CNPPD1: variants seen among roughly 807,000 people sequenced by gnomAD.
CNPPD1 encodes cyclin Pas1/PHO80 domain containing 1.
A neutral mutation model predicts 43.7 loss-of-function variants in CNPPD1; 40 were observed. The ratio of observed to expected loss-of-function variants is 0.92; its 90% CI spans 0.71 to 1.19. CNPPD1 has a LOEUF of 1.19. CNPPD1 is among the 50% of genes most tolerant of loss of function. The pLI, the probability that CNPPD1 is intolerant of heterozygous loss-of-function variation, is 0.00. For missense variants in CNPPD1, 511 were observed against 518.5 expected (o/e 0.99, Z 0.14); for synonymous variants, 208 against 214.3 (o/e 0.97, Z 0.26).
At position 219,174,818 on chromosome 2, in the gene CNPPD1, G is replaced by A; in HGVS notation, c.470C>T (p.Pro157Leu). The change falls in exon 5 of 8, where the codon CCC becomes CTC. Residue 157 changes from proline to leucine, a missense_variant. Physicochemically the swap from Pro to Leu is moderately conservative, Grantham distance 98 (BLOSUM62 -3). Coordinates refer to ENST00000360507, the MANE Select transcript of CNPPD1 (RefSeq NM_015680.6). ...GCCCCTCTCCAAGGCATTGAGAGTG[G>A]GCACGGCCACACCCCCAGCAGCTCC... is the stretch of plus-strand genomic sequence containing the variant. ...EWGAAGGVAV[P>L]TLNALERGFL... 1 of 1,613,028 alleles carries A rather than the reference G, an allele frequency of 6.2e-7. No individual in the cohort carries two copies. The highest frequency in any genetic ancestry group is 8.5e-7 in the Non-Finnish European group (1 of 1,179,382).
chr2:219,172,304 A>G lies in CNPPD1; in HGVS notation c.*282T>C, dbSNP rs1271748929. 7.9e-6 allele frequency: 4 copies of G among 505,158 alleles called. No individual in the cohort carries two copies. Among genetic ancestry groups the G allele is most frequent in the Non-Finnish European group, 1.4e-5 (4 of 281,980 alleles). The allele number at this position is 505,158 out of a possible 1,614,324, so 31.3% of individuals were successfully genotyped here. On this transcript the variant is annotated 3_prime_UTR_variant, in exon 8 of 8. Coordinates refer to ENST00000360507, the MANE Select transcript of CNPPD1 (RefSeq NM_015680.6). Reference sequence around the variant, plus strand: ...CAAAAGTAAAAGTCTAAAAAATCCCAGGGAGGCAGAGAGGGGCTTCTATGT... The same window carrying G: ...CAAAAGTAAAAGTCTAAAAAATCCCGGGGAGGCAGAGAGGGGCTTCTATGT...
At chr2:219,176,643 G>T (rs1950167469) in intron 1 of CNPPD1, 117 bp downstream of exon 1, 2 of 812,470 alleles carry the variant, frequency 2.5e-6, no homozygotes, top group Non-Finnish European at 3.9e-6. Context: ...CCTCAAGGAA[G>T]CACTGCTCGA....
In CNPPD1 at chr2:219,174,728, G is replaced by A. The variant is rs187129868; in HGVS notation, c.510+50C>T. 502 of 1,530,880 alleles carry A rather than the reference G, an allele frequency of 3.3e-4. 2 individuals are homozygous for A. In the African/African-American group the frequency reaches 6.2e-3, roughly 19 times the overall value. 94.8% of individuals were successfully genotyped at this position (1,530,880 alleles called of 1,614,324 possible). On this transcript the variant is annotated intron_variant, in intron 5 of 7. Transcript: ENST00000360507. Reference sequence around the variant, plus strand: ...GAGAGAGAACAAAGGACTAAAGGACGGTTAAAGATGGGCCAGGGAAACTGA... The same window carrying A: ...GAGAGAGAACAAAGGACTAAAGGACAGTTAAAGATGGGCCAGGGAAACTGA...
rs775792082 is a variant in CNPPD1 at position 219,176,255 on chromosome 2, C to T, written c.146G>A (p.Cys49Tyr). 1 of 1,614,070 alleles carries T rather than the reference C, an allele frequency of 6.2e-7. No homozygotes were observed. Residue 49 changes from cysteine to tyrosine, a missense_variant, in exon 2 of 8, where the codon TGT (cysteine) becomes TAT (tyrosine). Physicochemically the swap from Cys to Tyr is radical, Grantham distance 194 (BLOSUM62 -2). Coordinates refer to ENST00000360507, the MANE Select transcript of CNPPD1 (RefSeq NM_015680.6). ...LYYGWDWEAD[C>Y]SLEELSSPVA... is the part of the protein sequence containing the mutation. ...CGGGCTGGAGAGCTCCTCCAGGCTACAGTCGGCTTCCCAGTCCCAGCCATA... is the reference window on the plus strand; with the variant it reads ...CGGGCTGGAGAGCTCCTCCAGGCTATAGTCGGCTTCCCAGTCCCAGCCATA...
At chr2:219,174,006 G>A (rs1950118643) in intron 6 of CNPPD1, 140 bp downstream of exon 6, 1 of 814,708 alleles carries the variant, frequency 1.2e-6, no homozygotes, top group African/African-American at 1.7e-5. Flanking sequence ...GGACAGATGG[G>A]TCTGGGAACC....
intron 6 of CNPPD1, 136 bp downstream of exon 6, chr2:219,174,010 G>A (rs1005063731): frequency 2.4e-6 from 2 of 845,206 alleles, no homozygotes; most frequent in Non-Finnish European, 4.0e-6. Flanking sequence ...AGATGGGTCT[G>A]GGAACCACTA....
Position 219,172,525 on chromosome 2 carries a change from T to A in CNPPD1, c.*61A>T. ...GAGGCAGACAGGATCTGAATCAAGC[T>A]TTGCTCCTCCAGGTTCTCAGAAACT... On this transcript the variant is annotated 3_prime_UTR_variant, in exon 8 of 8. Transcript: ENST00000360507. 1.3e-6 allele frequency: 2 copies of A among 1,566,062 alleles called. No individual in the cohort carries two copies. The highest frequency in any genetic ancestry group is 1.8e-6 in the Non-Finnish European group (2 of 1,137,908).
Position 219,172,707 on chromosome 2 carries a change from T to C in CNPPD1, c.1112A>G (p.Tyr371Cys), listed in dbSNP as rs772761019. 6.2e-7 allele frequency: 1 copy of C among 1,613,802 alleles called. No homozygotes were observed. Among genetic ancestry groups the C allele is most frequent in the Non-Finnish European group, 8.5e-7 (1 of 1,179,878 alleles). The change falls in exon 8 of 8, where the codon TAT (tyrosine) becomes TGT (cysteine). Residue 371 changes from tyrosine to cysteine, a missense_variant. Tyr to Cys is a radical substitution (Grantham distance 194). Transcript: ENST00000360507. ...TALSSPWYHTYGLAPPWPWSP... is the reference protein window; with the variant it reads ...TALSSPWYHTCGLAPPWPWSP... Reference sequence around the variant, plus strand: ...CCAAGGCCAGGGGGGAGCCAGGCCATAGGTATGGTACCAGGGGCTGGACAG... The same window carrying C: ...CCAAGGCCAGGGGGGAGCCAGGCCACAGGTATGGTACCAGGGGCTGGACAG...
chr2:219,176,518 C>T, intron 1 of CNPPD1, 187 bp from the exon 2 acceptor site: 1 of 625,586 alleles, frequency 1.6e-6, no homozygotes, highest in Non-Finnish European at 2.8e-6. Context: ...GAGGAATGCC[C>T]CCACCCCCAT....
Position 219,176,227 on chromosome 2 carries a change from C to T in CNPPD1, c.174G>A (p.Val58=). 6.2e-7 allele frequency: 1 copy of T among 1,611,664 alleles called. No individual in the cohort carries two copies. The change falls in exon 2 of 8, where the codon GTG becomes GTA. Residue 58 remains valine (V), a synonymous_variant. Transcript: ENST00000360507. Reference sequence around the variant, plus strand: ...AGTCACACAACACTGCCTAACCTGCCACCGGGCTGGAGAGCTCCTCCAGGC... The same window carrying T: ...AGTCACACAACACTGCCTAACCTGCTACCGGGCTGGAGAGCTCCTCCAGGC... ...DCSLEELSSP[V]ADIAVELLQK... is the part of the protein sequence containing the mutation.
Position 219,173,379 on chromosome 2 carries a change from G to C in CNPPD1, c.661C>G (p.Leu221Val). Residue 221 changes from leucine to valine, a missense_variant, in exon 7 of 8, where the codon CTG (leucine) becomes GTG (valine). Physicochemically the swap from Leu to Val is conservative, Grantham distance 32. Coordinates refer to ENST00000360507, the MANE Select transcript of CNPPD1 (RefSeq NM_015680.6). ...LLEQPTWQLA[L>V]GSLCQRLVKL... is the part of the protein sequence containing the mutation. ...ACCAGCCGCTGGCAGAGGGAGCCCA[G>C]GGCCAACTGCCAGGTCGGCTGCTCC... 6.2e-7 allele frequency: 1 copy of C among 1,613,586 alleles called. No homozygotes were observed. The highest frequency in any genetic ancestry group is 1.1e-5 in the South Asian group (1 of 91,062).
In CNPPD1 at chr2:219,172,460, C is replaced by T. The variant is rs145338873; in HGVS notation, c.*126G>A. ...TCCTTCTGCCCCACCACCCCATAAG[C>T]TCCCACCCAGGAGGACAGGGGACCT... is the stretch of plus-strand genomic sequence containing the variant. On this transcript the variant is annotated 3_prime_UTR_variant, in exon 8 of 8. Transcript: ENST00000360507. 2 of 994,592 alleles carry T rather than the reference C, an allele frequency of 2.0e-6. No homozygotes were observed. Among genetic ancestry groups the T allele is most frequent in the African/African-American group, 1.6e-5 (1 of 62,370 alleles). 61.6% of individuals were successfully genotyped at this position (994,592 alleles called of 1,614,324 possible). A position where few individuals can be genotyped will look rare whatever the true frequency, so the allele number is the denominator to read the frequency against.
At chr2:219,174,712 C>A (rs1273594775) in intron 5 of CNPPD1, 66 bp downstream of exon 5, 2 of 1,518,498 alleles carry the variant, frequency 1.3e-6, no homozygotes, top group Non-Finnish European at 1.8e-6. Flanking sequence ...TGAGAGAGAA[C>A]AAAGGACTAA....
chr2:219,176,538 C>A (rs1950165238), intron 1 of CNPPD1, among the ~76,000 whole-genome samples: 1 of 152,226 alleles, frequency 6.6e-6, no homozygotes, highest in African/African-American at 2.4e-5. Context: ...TCGAGGGTTC[C>A]CCGGGAGAAG....
rs1407835193 is a variant in CNPPD1, at chr2:219,176,139, G to A, written c.178+84C>T. On this transcript the variant is annotated intron_variant, in intron 2 of 7. Transcript: ENST00000360507. ...AGCAATGAAGAGACAGTGTAGCCAC[G>A]GGGCAAACCTCGAGCCATTTTCTGC... 4.1e-6 allele frequency: 4 copies of A among 986,498 alleles called. No individual in the cohort carries two copies. The African/African-American group carries it at 6.4e-5, about 16-fold the overall frequency. The allele number at this position is 986,498 out of a possible 1,614,324, so 61.1% of individuals were successfully genotyped here. A position where few individuals can be genotyped will look rare whatever the true frequency, so the allele number is the denominator to read the frequency against.
chr2:219,175,494 CAAAAA>C, intron 3 of CNPPD1, 92 bp downstream of exon 3: 2 of 948,754 alleles, frequency 2.1e-6, no homozygotes, highest in African/African-American at 2.0e-5. Flanking sequence ...GAGACTGTCT[CAAAAA>C]AAAAAAAAAG....
intron 5 of CNPPD1, 34 bp from the exon 6 acceptor site, chr2:219,174,241 T>A (rs1204259292): frequency 1.2e-6 from 2 of 1,602,386 alleles, no homozygotes; most frequent in Non-Finnish European, 1.7e-6. Flanking sequence ...CAAACCAGAC[T>A]TGGATGAGCC....
At chr2:219,178,132 C>A (rs974808311), upstream of CNPPD1, 2 of 270,060 alleles carry the variant, frequency 7.4e-6, no homozygotes, top group African/African-American at 4.8e-5. Flanking sequence ...TGTGTAGGCG[C>A]AGTGTCAGCG....
rs759225409 is a variant in CNPPD1 at position 219,172,777 on chromosome 2, T to C, written c.1042A>G (p.Thr348Ala). 10 of 1,602,948 alleles carry C rather than the reference T, an allele frequency of 6.2e-6. No homozygotes were observed. Among genetic ancestry groups the C allele is most frequent in the African/African-American group, 1.3e-5 (1 of 74,432 alleles). Residue 348 changes from threonine (T) to alanine (A), a missense_variant, in exon 8 of 8, where the codon ACC becomes GCC. Physicochemically the swap from Thr to Ala is moderately conservative, Grantham distance 58. Coordinates refer to ENST00000360507, the MANE Select transcript of CNPPD1 (RefSeq NM_015680.6). ...TTGGGGTGGAGGCAGGCATGGCAGGTTGGGGAGTCTCTCTGGAGCTTCTGG... is the reference window on the plus strand; with the variant it reads ...TTGGGGTGGAGGCAGGCATGGCAGGCTGGGGAGTCTCTCTGGAGCTTCTGG... Reference protein sequence around the residue: ...LCQKLQRDSPTCHACLHPNRT... With the variant: ...LCQKLQRDSPACHACLHPNRT...
Sources: gnomAD v4.1 joint callset for allele counts (sites outside exome capture counted in the v4.1 genomes callset) on GRCh38, gnomAD v4.1.1 for gene constraint, MANE v1.5 for transcripts, NCBI Gene and HGNC (gene_info 2026-07-23, HGNC 2026-07-21) for gene names.